PPT2: variants seen among roughly 807,000 people sequenced by gnomAD.
The protein encoded by PPT2 is lysosomal thioesterase PPT2.
In PPT2, 20 loss-of-function variants were observed where a neutral mutation model predicts 37.3. That is an observed-to-expected ratio of 0.54 (90% CI 0.38 to 0.78). PPT2 has a LOEUF of 0.78. PPT2 is among the 30% of genes least tolerant of loss of function. The pLI, the probability that PPT2 is intolerant of heterozygous loss-of-function variation, is 0.00. For missense variants in PPT2, 270 were observed against 389.8 expected, an observed-to-expected ratio of 0.69 and a Z score of 2.59; for synonymous variants, 135 against 159.1, an observed-to-expected ratio of 0.85 and a Z score of 1.14.
chr6:32,158,752 G>A (rs563674091), intron 7 of PPT2, among the ~76,000 whole-genome samples: 92 of 152,262 alleles, frequency 6.0e-4, no homozygotes, highest in Middle Eastern at 3.4e-3. Context: ...TTCAATTAGA[G>A]ACTGAAGGAA....
rs1783906063 is a variant in PPT2, at chr6:32,157,935, AT to A, written c.710+15del. The A allele has an allele frequency of 1.3e-6, 2 of 1,598,290 alleles. No homozygotes were observed. Among genetic ancestry groups the A allele is most frequent in the Admixed American group, 1.7e-5 (1 of 59,742 alleles). ...TCCCTGGCAGTCCAGGTAATAAGGG[AT>A]TTTGTGGCCTGAAGATTGGCTAAAG... On this transcript the variant is annotated intron_variant, in intron 7 of 8. Coordinates refer to ENST00000324816, the MANE Select transcript of PPT2 (RefSeq NM_005155.7).
At position 32,162,611 on chromosome 6, in the gene PPT2, G is replaced by A; in HGVS notation, c.754G>A (p.Glu252Lys). 6.2e-7 allele frequency: 1 copy of A among 1,609,384 alleles called. No homozygotes were observed. The highest frequency in any genetic ancestry group is 8.5e-7 in the Non-Finnish European group (1 of 1,175,660). ...TGCAAATGAGACCGTCCTGGAGATG[G>A]AGGAGCAACTGGTGAGCCCCCTGGG... is the stretch of plus-strand genomic sequence containing the variant. ...YDANETVLEM[E>K]EQLVYLRDSF... Residue 252 changes from glutamate (E) to lysine (K), a missense_variant, in exon 8 of 9, where the codon GAG becomes AAG. Coordinates refer to ENST00000324816, the MANE Select transcript of PPT2 (RefSeq NM_005155.7). The surrounding 1 kb of genome is among the most constrained non-coding windows in gnomAD (Gnocchi z 5.5).
intron 7 of PPT2, among the ~76,000 whole-genome samples, chr6:32,161,005 T>A (rs1310801982): frequency 6.7e-6 from 1 of 149,584 alleles, no homozygotes. Context: ...AAAAAAAAAG[T>A]TACCAAAATA....
In PPT2 at chr6:32,155,148, C is replaced by T; in HGVS notation, c.302C>T (p.Ala101Val). 3 of 1,613,080 alleles carry T rather than the reference C, an allele frequency of 1.9e-6. No homozygotes were observed. The highest frequency in any genetic ancestry group is 1.7e-5 in the Admixed American group (1 of 60,014). ...GCTGTGGTCCCCATCATGGCAAAGGCCCCTCAAGGGGTGCATCTCATCTGC... is the reference window on the plus strand; with the variant it reads ...GCTGTGGTCCCCATCATGGCAAAGGTCCCTCAAGGGGTGCATCTCATCTGC... ...REAVVPIMAK[A>V]PQGVHLICYS... is the part of the protein sequence containing the mutation. Residue 101 changes from alanine (A) to valine (V), a missense_variant, in exon 3 of 9, where the codon GCC (alanine) becomes GTC (valine). Physicochemically the swap from Ala to Val is moderately conservative, Grantham distance 64 (BLOSUM62 0). Transcript: ENST00000324816. The surrounding 1 kb of genome is among the most constrained non-coding windows in gnomAD (Gnocchi z 4.3).
At chr6:32,158,010 C>T (rs1309236264) in intron 7 of PPT2, 86 bp downstream of exon 7, 3 of 1,163,728 alleles carry the variant, frequency 2.6e-6, no homozygotes, top group Non-Finnish European at 3.7e-6. Flanking sequence ...AACTGGCCTG[C>T]TCCTTCCACT....
chr6:32,153,663 G>A, upstream of PPT2: 1 of 1,580,682 alleles, frequency 6.3e-7, no homozygotes, highest in Non-Finnish European at 8.6e-7. This position sits in a 1 kb window ranked among gnomAD's most constrained non-coding sequence, Gnocchi z 4.4. Context: ...GGGCGGACTG[G>A]AGGGTGGGGT....
chr6:32,155,034 A>AC lies in PPT2; in HGVS notation c.192dup (p.Gly65ArgfsTer62). 6.2e-7 allele frequency: 1 copy of AC among 1,612,712 alleles called. No homozygotes were observed. ...TGCATTGCCCCCTTCCCACAGACAC[A>AC]CCCCGGGACTGTGGTGACAGTGCTC... On this transcript the variant is annotated frameshift_variant, in exon 3 of 9. Coordinates refer to ENST00000324816, the MANE Select transcript of PPT2 (RefSeq NM_005155.7). LOFTEE classifies it high-confidence loss of function. The surrounding 1 kb of genome is among the most constrained non-coding windows in gnomAD (Gnocchi z 4.3).
chr6:32,157,633 C>T lies in PPT2; in HGVS notation c.542-4C>T. 1 of 1,586,198 alleles carries T rather than the reference C, an allele frequency of 6.3e-7. No individual in the cohort carries two copies. Among genetic ancestry groups the T allele is most frequent in the Non-Finnish European group, 8.7e-7 (1 of 1,155,516 alleles). The stretch of plus-strand genomic sequence containing the variant: ...TTCTTTTTCTAACTGCTGTTTGTAC[C>T]CAGATCCCCACCACGATGACTTGTA... On this transcript the variant is annotated splice_region_variant and splice_polypyrimidine_tract_variant and intron_variant, in intron 5 of 8. Transcript: ENST00000324816.
chr6:32,153,866 G>A, upstream of PPT2: 1 of 1,100,890 alleles, frequency 9.1e-7, no homozygotes. This position sits in a 1 kb window ranked among gnomAD's most constrained non-coding sequence, Gnocchi z 4.4. Context: ...GAATCAAGGC[G>A]GGGAAATCGG....
intron 5 of PPT2, chr6:32,157,140 C>T (rs1695748732): frequency 6.3e-6 from 1 of 158,392 alleles, no homozygotes; most frequent in Non-Finnish European, 1.4e-5. Context: ...GAGATCCTGC[C>T]ACTGCACTTC....
upstream of PPT2, chr6:32,153,871 A>T: frequency 8.9e-7 from 1 of 1,127,304 alleles, no homozygotes; most frequent in South Asian, 1.8e-5. The surrounding 1 kb of genome is among the most constrained non-coding windows in gnomAD (Gnocchi z 4.4). Context: ...AAGGCGGGGA[A>T]ATCGGACTTT....
In PPT2 at chr6:32,154,868, C is replaced by A; in HGVS notation, c.183+91C>A. 2.0e-6 allele frequency: 3 copies of A among 1,534,246 alleles called. No homozygotes were observed. Among genetic ancestry groups the A allele is most frequent in the Non-Finnish European group, 2.7e-6 (3 of 1,129,486 alleles). On this transcript the variant is annotated intron_variant, in intron 2 of 8. Coordinates refer to ENST00000324816, the MANE Select transcript of PPT2 (RefSeq NM_005155.7). This position sits in a 1 kb window ranked among gnomAD's most constrained non-coding sequence, Gnocchi z 7.3. ...GGGAACTGAAAGCCACCCCTCTGGG[C>A]CTGCCCAGTTCCTCAGGGAGCTGGT... is the stretch of plus-strand genomic sequence containing the variant.
At position 32,162,630 on chromosome 6, in the gene PPT2, C is replaced by T. The variant is rs534965417; in HGVS notation, c.765+8C>T. 2 of 1,603,392 alleles carry T rather than the reference C, an allele frequency of 1.2e-6. No homozygotes were observed. The highest frequency in any genetic ancestry group is 3.3e-5 in the Admixed American group (2 of 60,002). ...GAGATGGAGGAGCAACTGGTGAGCCCCCTGGGATTACTTCCCCTTCTAGCC... is the reference window on the plus strand; with the variant it reads ...GAGATGGAGGAGCAACTGGTGAGCCTCCTGGGATTACTTCCCCTTCTAGCC... On this transcript the variant is annotated splice_region_variant and intron_variant, in intron 8 of 8. Coordinates refer to ENST00000324816, the MANE Select transcript of PPT2 (RefSeq NM_005155.7). This position sits in a 1 kb window ranked among gnomAD's most constrained non-coding sequence, Gnocchi z 5.5.
In PPT2 at chr6:32,162,849, CG is replaced by C; in HGVS notation, c.814del (p.Ala272ProfsTer2). The C allele has an allele frequency of 1.2e-6, 2 of 1,614,024 alleles. No homozygotes were observed. Among genetic ancestry groups the C allele is most frequent in the South Asian group, 1.1e-5 (1 of 91,076 alleles). ...DSFGLKTLLA[R>X]GAIVRCPMAG... is the part of the protein sequence containing the mutation. ...TTTTGGGTTGAAGACTCTATTGGCCCGGGGGGCCATAGTGAGGTGTCCAATG... is the reference window on the plus strand; with the variant it reads ...TTTTGGGTTGAAGACTCTATTGGCCCGGGGGCCATAGTGAGGTGTCCAATG... On this transcript the variant is annotated frameshift_variant, in exon 9 of 9. Coordinates refer to ENST00000324816, the MANE Select transcript of PPT2 (RefSeq NM_005155.7). LOFTEE classifies it high-confidence loss of function. This position sits in a 1 kb window ranked among gnomAD's most constrained non-coding sequence, Gnocchi z 5.5.
At position 32,155,086 on chromosome 6, in the gene PPT2, G is replaced by C. The variant is rs1386160589; in HGVS notation, c.240G>C (p.Leu80Phe). Residue 80 changes from leucine (L) to phenylalanine (F), a missense_variant, in exon 3 of 9, where the codon TTG (leucine) becomes TTC (phenylalanine). Leu to Phe is a conservative substitution (Grantham distance 22). Coordinates refer to ENST00000324816, the MANE Select transcript of PPT2 (RefSeq NM_005155.7). The surrounding 1 kb of genome is among the most constrained non-coding windows in gnomAD (Gnocchi z 4.3). ...ATCTCTTCGATGGGAGAGAGAGCTT[G>C]CGACCCCTGTGGGAACAGGTGCAAG... ...VLDLFDGRES[L>F]RPLWEQVQGF... 2.5e-6 allele frequency: 4 copies of C among 1,613,140 alleles called. No homozygotes were observed. The South Asian group carries it at 4.4e-5, about 18-fold the overall frequency.
In PPT2 at chr6:32,154,367, G is replaced by A. The variant is rs1315080193; in HGVS notation, c.-46G>A. 2.1e-6 allele frequency: 3 copies of A among 1,423,118 alleles called. No homozygotes were observed. Among genetic ancestry groups the A allele is most frequent in the African/African-American group, 1.4e-5 (1 of 69,548 alleles). The allele number at this position is 1,423,118 out of a possible 1,614,324, so 88.2% of individuals were successfully genotyped here. ...CCTGGACCTAGAGAACAAGTCCCCCGAACGCTGAGTTGGAGGCGGGACTTC... is the reference window on the plus strand; with the variant it reads ...CCTGGACCTAGAGAACAAGTCCCCCAAACGCTGAGTTGGAGGCGGGACTTC... On this transcript the variant is annotated 5_prime_UTR_variant, in exon 1 of 9. Transcript: ENST00000324816. The surrounding 1 kb of genome is among the most constrained non-coding windows in gnomAD (Gnocchi z 7.3).
chr6:32,155,899 C>T lies in PPT2; in HGVS notation c.462C>T (p.Pro154=). The T allele has an allele frequency of 1.2e-6, 2 of 1,614,018 alleles. No individual in the cohort carries two copies. Among genetic ancestry groups the T allele is most frequent in the South Asian group, 1.1e-5 (1 of 91,070 alleles). ...CGGACTACTTGAAGTGGCTGTTCCC[C>T]ACCTCCATGCGGTCTAACCTCTATC... ...GDTDYLKWLF[P]TSMRSNLYRI... Residue 154 remains proline (P), a synonymous_variant, in exon 5 of 9, where the codon CCC becomes CCT. Transcript: ENST00000324816. This position sits in a 1 kb window ranked among gnomAD's most constrained non-coding sequence, Gnocchi z 4.3.
intron 7 of PPT2, among the ~76,000 whole-genome samples, chr6:32,161,478 G>T (rs1228239593): frequency 1.3e-5 from 2 of 150,922 alleles, no homozygotes; most frequent in East Asian, 2.0e-4. Flanking sequence ...TAGTAGAGAC[G>T]GGGTTTCTCC....
At chr6:32,158,143 T>G in intron 7 of PPT2, 1 of 485,108 alleles carries the variant, frequency 2.1e-6, no homozygotes, top group Non-Finnish European at 3.6e-6. Flanking sequence ...TCTCCATCCC[T>G]ATCACCCCCT....
Sources: allele counts gnomAD v4.1 joint callset (sites outside exome capture counted in the v4.1 genomes callset), GRCh38; gene constraint gnomAD v4.1.1; non-coding constraint Gnocchi (gnomAD v3.1); transcripts MANE v1.5; gene names NCBI Gene and HGNC (gene_info 2026-07-23, HGNC 2026-07-21).